Variants in ANKFN1 observed in about 807,000 individuals in gnomAD.
ANKFN1 encodes the protein ankyrin repeat and fibronectin type-III domain-containing protein 1.
Under a neutral mutation model 108.7 loss-of-function variants are expected in ANKFN1, and 74 were observed. That is an observed-to-expected ratio of 0.68 (90% CI 0.56 to 0.83). The LOEUF is 0.83. Among genes scored for constraint, ANKFN1 ranks in the 40% least tolerant of loss-of-function variants. ANKFN1 has a pLI of 0.00. For synonymous variants in ANKFN1, 547 were observed against 516.2 expected, an observed-to-expected ratio of 1.06 and a Z score of -0.81; for missense variants, 1,505 against 1,382.3, an observed-to-expected ratio of 1.09 and a Z score of -1.41.
chr17:56,492,950 T>G (rs1815509359), intron 19 of ANKFN1, among the ~76,000 whole-genome samples: 1 of 152,202 alleles, frequency 6.6e-6, no homozygotes, highest in Non-Finnish European at 1.5e-5. Context: ...AGAATTTGGA[T>G]CTGGCCTGAA....
chr17:56,262,385 A>T (rs557143695), intron 3 of ANKFN1, among the ~76,000 whole-genome samples: 16 of 152,354 alleles, frequency 1.1e-4, no homozygotes, highest in East Asian at 1.9e-4. Context: ...TTTCAAGAAA[A>T]TTAAGTATAT....
intron 5 of ANKFN1, among the ~76,000 whole-genome samples, chr17:56,352,528 C>T (rs17821506): frequency 0.055 from 8,401 of 152,304 alleles, 338 homozygotes; most frequent in Middle Eastern, 0.15. Context: ...TGTTGGTCTT[C>T]TCCCATGTGC....
At chr17:56,213,123 T>G (rs1012690776) in intron 2 of ANKFN1, among the ~76,000 whole-genome samples, 7 of 152,120 alleles carry the variant, frequency 4.6e-5, no homozygotes, top group African/African-American at 1.7e-4. Context: ...CCAGGGAGTA[T>G]CCAGTAACTT....
chr17:56,135,287 T>TTG (rs1336850503), intron 4 of ANKFN1, among the ~76,000 whole-genome samples: 2 of 152,152 alleles, frequency 1.3e-5, no homozygotes, highest in African/African-American at 4.8e-5. Flanking sequence ...TAAAATATAT[T>TTG]TGTGTGTGTG....
At chr17:56,223,231 G>A (rs1916009075) in intron 2 of ANKFN1, among the ~76,000 whole-genome samples, 1 of 152,174 alleles carries the variant, frequency 6.6e-6, no homozygotes, top group Non-Finnish European at 1.5e-5. Flanking sequence ...CTCACATGCT[G>A]TTGATAGAAT....
chr17:56,427,162 G>A (rs1448206901), intron 8 of ANKFN1, among the ~76,000 whole-genome samples: 1 of 152,128 alleles, frequency 6.6e-6, no homozygotes, highest in African/African-American at 2.4e-5. Flanking sequence ...CTGAGGAACC[G>A]CTGCTACTTC....
intron 4 of ANKFN1, among the ~76,000 whole-genome samples, chr17:56,110,581 A>C (rs1381989039): frequency 6.6e-6 from 1 of 151,538 alleles, no homozygotes; most frequent in Non-Finnish European, 1.5e-5. Flanking sequence ...CAATAAATAT[A>C]GATTGATTGA....
At chr17:56,464,079 T>G (rs2049999098) in intron 14 of ANKFN1, among the ~76,000 whole-genome samples, 4 of 152,212 alleles carry the variant, frequency 2.6e-5, no homozygotes, top group African/African-American at 9.6e-5. Flanking sequence ...TAAAGAACCT[T>G]GAATTCTCCC....
At chr17:56,100,885 C>G (rs1905634083) in intron 4 of ANKFN1, among the ~76,000 whole-genome samples, 1 of 152,188 alleles carries the variant, frequency 6.6e-6, no homozygotes, top group Non-Finnish European at 1.5e-5. Flanking sequence ...GAACACAGAA[C>G]TCTTTAGAGA....
At chr17:56,227,845 G>A (rs561541236) in intron 2 of ANKFN1, 72 bp from the exon 3 acceptor site, 68 of 1,223,514 alleles carry the variant, frequency 5.6e-5, no homozygotes, top group South Asian at 5.4e-4. Context: ...GGCTTCAAAC[G>A]TGACTCCTTT....
At chr17:56,435,144 C>T (rs903536580) in intron 8 of ANKFN1, among the ~76,000 whole-genome samples, 5 of 152,092 alleles carry the variant, frequency 3.3e-5, no homozygotes, top group African/African-American at 9.7e-5. Context: ...TTTTTCCCTC[C>T]GTTCTGACAC....
chr17:56,361,241 T>A (rs965655626), intron 6 of ANKFN1, among the ~76,000 whole-genome samples: 1 of 152,130 alleles, frequency 6.6e-6, no homozygotes. Context: ...AGATTATAGA[T>A]AAAGTTAAAA....
At chr17:56,359,932 T>A (rs1472073481) in intron 6 of ANKFN1, among the ~76,000 whole-genome samples, 1 of 152,196 alleles carries the variant, frequency 6.6e-6, no homozygotes, top group Non-Finnish European at 1.5e-5. Context: ...TGAGAAAATC[T>A]GACTCGTTGC....
intron 19 of ANKFN1, among the ~76,000 whole-genome samples, chr17:56,492,573 G>A (rs2051074752): frequency 6.6e-6 from 1 of 152,124 alleles, no homozygotes; most frequent in Non-Finnish European, 1.5e-5. Context: ...ACTAAGAAAT[G>A]TTATCAGTCA....
chr17:56,197,734 A>G (rs1913652220), intron 1 of ANKFN1, among the ~76,000 whole-genome samples: 1 of 152,264 alleles, frequency 6.6e-6, no homozygotes, highest in Admixed American at 6.5e-5. Flanking sequence ...TATCCTTCAA[A>G]GACTTTTAAA....
intron 6 of ANKFN1, among the ~76,000 whole-genome samples, chr17:56,357,393 T>A (rs954720036): frequency 1.3e-5 from 2 of 152,158 alleles, no homozygotes; most frequent in African/African-American, 4.8e-5. Context: ...AGGAAATGAA[T>A]AAGGATGCCA....
chr17:56,276,494 C>T (rs1180118103), intron 3 of ANKFN1, among the ~76,000 whole-genome samples: 1 of 152,208 alleles, frequency 6.6e-6, no homozygotes, highest in Non-Finnish European at 1.5e-5. Context: ...CCTATTTCTC[C>T]ACATCCTCTC....
chr17:56,463,965 T>G (rs533165129), intron 14 of ANKFN1: 2 of 152,186 alleles, frequency 1.3e-5, no homozygotes, highest in African/African-American at 2.4e-5. Flanking sequence ...CCTAGATGCA[T>G]TCCTGTTAGC....
intron 3 of ANKFN1, among the ~76,000 whole-genome samples, chr17:56,307,100 G>A (rs1055301317): frequency 2.9e-4 from 44 of 152,238 alleles, no homozygotes; most frequent in African/African-American, 9.9e-4. Context: ...AAGACTAAAT[G>A]TTAGACCTAA....
Sources: allele counts gnomAD v4.1 joint callset (sites outside exome capture counted in the v4.1 genomes callset), GRCh38; gene constraint gnomAD v4.1.1; transcripts MANE v1.5; gene names NCBI Gene and HGNC (gene_info 2026-07-23, HGNC 2026-07-21).